The following SGCZ variants were observed in gnomAD, a reference collection of about 807,000 sequenced individuals.
The protein encoded by SGCZ is sarcoglycan zeta, also known as zeta-sarcoglycan.
In SGCZ, 40 loss-of-function variants were observed where a neutral mutation model predicts 41.3. The ratio of observed to expected loss-of-function variants is 0.97; its 90% CI spans 0.75 to 1.26. SGCZ has a LOEUF of 1.26. Ranked by LOEUF, SGCZ falls within the 50% of genes most tolerant of loss-of-function variation. SGCZ has a pLI of 0.00. For synonymous variants in SGCZ, 206 were observed against 137.5 expected (o/e 1.50, Z -3.49); for missense variants, 552 against 369.8 (o/e 1.49, Z -4.04).
intron 1 of SGCZ, among the ~76,000 whole-genome samples, chr8:14,926,289 A>G (rs1308347143): frequency 6.6e-6 from 1 of 152,216 alleles, no homozygotes; most frequent in Non-Finnish European, 1.5e-5. Context: ...TCATCGAAAA[A>G]ATATTGTCAT....
chr8:15,063,446 G>C (rs961270446), intron 1 of SGCZ, among the ~76,000 whole-genome samples: 1 of 152,062 alleles, frequency 6.6e-6, no homozygotes, highest in Non-Finnish European at 1.5e-5. Flanking sequence ...ATTAAAGTGA[G>C]ACAAAATAAT....
chr8:14,438,777 TAATA>T (rs997317834), intron 2 of SGCZ, among the ~76,000 whole-genome samples: 6 of 151,990 alleles, frequency 3.9e-5, no homozygotes, highest in East Asian at 1.9e-4. Context: ...TTATATTAAT[TAATA>T]AATAGAAAAC....
At position 14,090,477 on chromosome 8, in the gene SGCZ, C is replaced by G; in HGVS notation, c.905G>C (p.Cys302Ser). Residue 302 changes from cysteine (C) to serine (S), a missense_variant, in exon 8 of 8, where the codon TGT becomes TCT. Physicochemically the swap from Cys to Ser is moderately radical, Grantham distance 112 (BLOSUM62 -1). Transcript: ENST00000382080. ...CAGGCAGATGTTGCTACTGGACTGA[C>G]AAGTGGAACCTACTCCTGCTGGAGA... Reference protein sequence around the residue: ...YLSPAGVGSTCQSSSNICLWS With the variant: ...YLSPAGVGSTSQSSSNICLWS The G allele has an allele frequency of 6.2e-7, 1 of 1,612,908 alleles. No individual in the cohort carries two copies. The highest frequency in any genetic ancestry group is 8.5e-7 in the Non-Finnish European group (1 of 1,179,298).
chr8:14,543,955 T>A lies in SGCZ; in HGVS notation c.234+10777A>T, dbSNP rs544806738. 5.9e-5 allele frequency among the ~76,000 whole-genome samples: 9 copies of A among 152,144 alleles called. No homozygotes were observed. In the South Asian group the frequency reaches 1.9e-3, roughly 32 times the overall value. ...GAGATGTGTTATGGCCCATCACCAG[T>A]GTTTGTGAGAATGGAGTGGTTACCT... is the stretch of plus-strand genomic sequence containing the variant. On this transcript the variant is annotated intron_variant, in intron 2 of 7. Transcript: ENST00000382080.
intron 5 of SGCZ, among the ~76,000 whole-genome samples, chr8:14,158,381 G>A (rs779593191): frequency 6.6e-6 from 1 of 152,030 alleles, no homozygotes; most frequent in Non-Finnish European, 1.5e-5. Flanking sequence ...CGGGTAATGC[G>A]ATCTCCACAG....
rs56403917 is a variant in SGCZ, at chr8:14,600,731, G to A, written c.40-45805C>T. On this transcript the variant is annotated intron_variant, in intron 1 of 7. Coordinates refer to ENST00000382080, the MANE Select transcript of SGCZ (RefSeq NM_139167.4). Reference sequence around the variant, plus strand: ...TTTCAACTAAAAAAAATATACACATGCATCATTTTAAATTAAAGGTATCCT... The same window carrying A: ...TTTCAACTAAAAAAAATATACACATACATCATTTTAAATTAAAGGTATCCT... Among the ~76,000 whole-genome samples, 275 of 152,158 alleles carry A rather than the reference G, an allele frequency of 1.8e-3. 1 individual carries two copies. Among genetic ancestry groups the A allele is most frequent in the African/African-American group, 6.3e-3 (263 of 41,514 alleles).
chr8:14,414,943 G>A (rs1799455500), intron 2 of SGCZ, among the ~76,000 whole-genome samples: 1 of 151,802 alleles, frequency 6.6e-6, no homozygotes. Flanking sequence ...AATTAGGAAG[G>A]CACTTCAAGA....
rs947055465 is a variant in SGCZ, at chr8:14,179,056, C to A, written c.425-14354G>T. 5.9e-5 allele frequency among the ~76,000 whole-genome samples: 9 copies of A among 152,316 alleles called. No individual in the cohort carries two copies. In the East Asian group the frequency reaches 1.2e-3, roughly 20 times the overall value. ...AACAAAAAGGAGATGGATGCTTGTA[C>A]ACTTGCCCCGGCCAAGGCAGGCAGT... On this transcript the variant is annotated intron_variant, in intron 4 of 7. Transcript: ENST00000382080.
intron 2 of SGCZ, among the ~76,000 whole-genome samples, chr8:14,479,840 G>A (rs1254868069): frequency 6.8e-6 from 1 of 147,774 alleles, no homozygotes; most frequent in Non-Finnish European, 1.5e-5. Flanking sequence ...CCGCCTCCCA[G>A]GTTCAAGCAA....
intron 2 of SGCZ, among the ~76,000 whole-genome samples, chr8:14,351,096 T>C (rs1427096789): frequency 2.6e-5 from 4 of 152,108 alleles, no homozygotes; most frequent in African/African-American, 9.7e-5. Flanking sequence ...TGTATAACTT[T>C]CCTCTTCCTA....
At chr8:14,330,411 C>T (rs1290604441) in intron 2 of SGCZ, among the ~76,000 whole-genome samples, 1 of 151,974 alleles carries the variant, frequency 6.6e-6, no homozygotes, top group African/African-American at 2.4e-5. Flanking sequence ...TCTTTAAAAA[C>T]TGAAAGTAAT....
chr8:15,096,703 T>A (rs918953651), intron 1 of SGCZ, among the ~76,000 whole-genome samples: 2 of 152,180 alleles, frequency 1.3e-5, no homozygotes, highest in East Asian at 1.9e-4. Flanking sequence ...ATTTTATTTT[T>A]TGAGACACAG....
chr8:14,941,943 C>T (rs1800288912), intron 1 of SGCZ, among the ~76,000 whole-genome samples: 1 of 151,696 alleles, frequency 6.6e-6, no homozygotes, highest in Non-Finnish European at 1.5e-5. Flanking sequence ...ATGTAAAATG[C>T]ATGAGTCTAA....
At chr8:14,539,897 T>C (rs1428387409) in intron 2 of SGCZ, among the ~76,000 whole-genome samples, 1 of 151,908 alleles carries the variant, frequency 6.6e-6, no homozygotes, top group Non-Finnish European at 1.5e-5. Context: ...TGTTGGCTTG[T>C]TTGCTTTAAT....
At chr8:14,251,977 TG>T (rs1799303794) in intron 3 of SGCZ, among the ~76,000 whole-genome samples, 1 of 152,142 alleles carries the variant, frequency 6.6e-6, no homozygotes. Context: ...CCCAAAGTGT[TG>T]GGATTACAGG....
chr8:14,690,590 G>A (rs1808769013), intron 1 of SGCZ: 1 of 152,110 alleles, frequency 6.6e-6, no homozygotes, highest in Non-Finnish European at 1.5e-5. Flanking sequence ...CCACAAAGAA[G>A]CATTCAAGAA....
rs139237402 is a variant in SGCZ at position 15,137,783 on chromosome 8, G to C, written c.39+99802C>G. Among the ~76,000 whole-genome samples the C allele has an allele frequency of 2.3e-3, 355 of 152,362 alleles. 1 individual carries two copies. Among genetic ancestry groups the C allele is most frequent in the Middle Eastern group, 0.01 (3 of 294 alleles). On this transcript the variant is annotated intron_variant, in intron 1 of 7. Coordinates refer to ENST00000382080, the MANE Select transcript of SGCZ (RefSeq NM_139167.4). ...AATGTCCAGGCAGAAGTTTGCTGCA[G>C]AGATGGATCCCTCATGGAGAACCTC...
intron 1 of SGCZ, among the ~76,000 whole-genome samples, chr8:14,796,515 A>T (rs909795152): frequency 3.9e-5 from 6 of 152,110 alleles, no homozygotes; most frequent in African/African-American, 1.4e-4. Context: ...AACTTTCATT[A>T]AAAAATTAAC....
At chr8:14,213,975 T>C (rs1234579488) in intron 4 of SGCZ, among the ~76,000 whole-genome samples, 1 of 152,236 alleles carries the variant, frequency 6.6e-6, no homozygotes, top group Admixed American at 6.5e-5. Flanking sequence ...TTCAACATGT[T>C]CATAGCAAGT....
Sources: allele counts gnomAD v4.1 joint callset (sites outside exome capture counted in the v4.1 genomes callset), GRCh38; gene constraint gnomAD v4.1.1; transcripts MANE v1.5; gene names NCBI Gene and HGNC (gene_info 2026-07-23, HGNC 2026-07-21).